Variants in AGMO observed in about 807,000 individuals in gnomAD.
AGMO encodes glyceryl-ether monooxygenase.
Under a neutral mutation model 60.2 loss-of-function variants are expected in AGMO, and 75 were observed. That is an observed-to-expected ratio of 1.25 (90% CI 1.03 to 1.51). The LOEUF is 1.51. AGMO is among the 40% of genes most tolerant of loss of function. AGMO has a pLI of 0.00. For missense variants in AGMO, 763 were observed against 525.5 expected (o/e 1.45, Z -4.42); for synonymous variants, 261 against 177.1 (o/e 1.47, Z -3.76).
At chr7:15,145,571 T>G in the AGMO span, among the ~76,000 whole-genome samples, 1 of 152,256 alleles carries the variant, frequency 6.6e-6, no homozygotes, top group African/African-American at 2.4e-5. Flanking sequence ...CGGTAATTGT[T>G]TTTACTGTAT....
the AGMO span, among the ~76,000 whole-genome samples, chr7:15,170,899 T>G: frequency 6.6e-6 from 1 of 152,162 alleles, no homozygotes; most frequent in Non-Finnish European, 1.5e-5. Flanking sequence ...GGTTAGGTAT[T>G]TTGTAGAATG....
At chr7:15,150,336 G>A in the AGMO span, among the ~76,000 whole-genome samples, 1 of 152,104 alleles carries the variant, frequency 6.6e-6, no homozygotes, top group South Asian at 2.1e-4. Flanking sequence ...CCAGTAGTAT[G>A]ATAAATAGGA....
intron 3 of AGMO, among the ~76,000 whole-genome samples, chr7:15,439,899 G>A (rs112433653): frequency 0.014 from 2,169 of 152,184 alleles, 42 homozygotes; most frequent in African/African-American, 0.05. Flanking sequence ...GAGACCCCCC[G>A]ACCCTGTCTC....
At chr7:15,415,735 G>T (rs1780747779) in intron 5 of AGMO, among the ~76,000 whole-genome samples, 1 of 152,060 alleles carries the variant, frequency 6.6e-6, no homozygotes, top group Non-Finnish European at 1.5e-5. Flanking sequence ...TGAAAACTCA[G>T]CTAACACCCA....
intron 5 of AGMO, among the ~76,000 whole-genome samples, chr7:15,413,721 GA>G (rs1225852302): frequency 2.0e-5 from 3 of 152,048 alleles, no homozygotes; most frequent in Non-Finnish European, 4.4e-5. Flanking sequence ...TTCATATTCA[GA>G]AAAGTATCTT....
intron 12 of AGMO, among the ~76,000 whole-genome samples, chr7:15,228,636 A>G (rs1782160115): frequency 6.6e-6 from 1 of 152,208 alleles, no homozygotes; most frequent in Non-Finnish European, 1.5e-5. Flanking sequence ...CAAAATAACT[A>G]AAGTAAAATA....
chr7:15,287,434 A>G (rs535268542), intron 12 of AGMO, among the ~76,000 whole-genome samples: 1 of 152,282 alleles, frequency 6.6e-6, no homozygotes, highest in East Asian at 1.9e-4. Context: ...TACCCTGTTC[A>G]AGAATATAAA....
rs569444010 is a variant in AGMO, at chr7:15,547,748, C to T, written c.258-2825G>A. ...GCAGCGAGGCTGGGGGAGGGGCGCCCGCCATTGCCCGGGCTTGATTAGGTA... is the reference window on the plus strand; with the variant it reads ...GCAGCGAGGCTGGGGGAGGGGCGCCTGCCATTGCCCGGGCTTGATTAGGTA... On this transcript the variant is annotated intron_variant, in intron 2 of 12. Transcript: ENST00000342526. 7.8e-3 allele frequency among the ~76,000 whole-genome samples: 1,186 copies of T among 151,926 alleles called. 9 individuals carry two copies. Among genetic ancestry groups the T allele is most frequent in the Non-Finnish European group, 0.013 (870 of 67,934 alleles).
At chr7:15,387,655 T>C in intron 8 of AGMO, 115 bp from the exon 9 acceptor site, 2 of 867,028 alleles carry the variant, frequency 2.3e-6, no homozygotes, top group East Asian at 2.7e-5. Flanking sequence ...TAAAACGTTA[T>C]GCCTGATTAG....
chr7:15,430,885 G>T (rs150306376), intron 4 of AGMO, 120 bp downstream of exon 4: 1 of 569,260 alleles, frequency 1.8e-6, no homozygotes, highest in Non-Finnish European at 2.9e-6. Flanking sequence ...TTAGAAAGAA[G>T]AGAGAAGCAT....
At chr7:15,532,444 T>G (rs1784393104) in intron 3 of AGMO, among the ~76,000 whole-genome samples, 1 of 152,176 alleles carries the variant, frequency 6.6e-6, no homozygotes, top group Non-Finnish European at 1.5e-5. Flanking sequence ...TTGTCAAAGA[T>G]AGACATCATC....
At chr7:15,439,684 G>T (rs1781496068) in intron 3 of AGMO, among the ~76,000 whole-genome samples, 1 of 152,060 alleles carries the variant, frequency 6.6e-6, no homozygotes, top group African/African-American at 2.4e-5. Flanking sequence ...GCCCAAGTCT[G>T]GCTACTTGTT....
In AGMO at chr7:15,540,670, T is replaced by C. The variant is rs183670870; in HGVS notation, c.409+4102A>G. On this transcript the variant is annotated intron_variant, in intron 3 of 12. Transcript: ENST00000342526. ...CATGCTGGCCCTTCCCCATACTTGG[T>C]TGACACTGATACAGTTAAAAACTGT... is the stretch of plus-strand genomic sequence containing the variant. Among the ~76,000 whole-genome samples, 3 of 152,298 alleles carry C rather than the reference T, an allele frequency of 2.0e-5. No individual in the cohort carries two copies. In the East Asian group the frequency reaches 5.8e-4, roughly 29 times the overall value.
chr7:15,349,780 G>T (rs1166866545), intron 12 of AGMO, among the ~76,000 whole-genome samples: 1 of 152,132 alleles, frequency 6.6e-6, no homozygotes, highest in Non-Finnish European at 1.5e-5. Context: ...AAAAGAATGG[G>T]TGTCAAGTGA....
At chr7:15,329,225 A>G (rs1781430949) in intron 12 of AGMO, among the ~76,000 whole-genome samples, 1 of 152,196 alleles carries the variant, frequency 6.6e-6, no homozygotes, top group Non-Finnish European at 1.5e-5. Flanking sequence ...TGTATTTGAT[A>G]TACTTTAATT....
intron 12 of AGMO, among the ~76,000 whole-genome samples, chr7:15,342,197 G>GAAAAAAAAA (rs1781877369): frequency 1.8e-5 from 1 of 56,648 alleles, no homozygotes; most frequent in African/African-American, 1.1e-4. Context: ...AAAAAAAAAA[G>GAAAAAAAAA]GACTAAGTCC....
At chr7:15,352,862 C>T (rs149970714) in intron 12 of AGMO, among the ~76,000 whole-genome samples, 2 of 151,914 alleles carry the variant, frequency 1.3e-5, no homozygotes, top group South Asian at 2.1e-4. Context: ...AAAATTAGAA[C>T]GTGTATGTGT....
chr7:15,296,496 C>T (rs969242566), intron 12 of AGMO, among the ~76,000 whole-genome samples: 1 of 152,168 alleles, frequency 6.6e-6, no homozygotes, highest in Non-Finnish European at 1.5e-5. Context: ...TTCCCTTGCT[C>T]ACAGTGCCAT....
At chr7:15,280,370 C>T (rs924782044) in intron 12 of AGMO, among the ~76,000 whole-genome samples, 1 of 152,178 alleles carries the variant, frequency 6.6e-6, no homozygotes, top group African/African-American at 2.4e-5. Flanking sequence ...GCAGAGGCAG[C>T]TGCATTCTGC....
Sources: gnomAD v4.1 joint callset for allele counts (sites outside exome capture counted in the v4.1 genomes callset) on GRCh38, gnomAD v4.1.1 for gene constraint, MANE v1.5 for transcripts, NCBI Gene and HGNC (gene_info 2026-07-23, HGNC 2026-07-21) for gene names.